NAPG: variants seen among roughly 807,000 people sequenced by gnomAD.
NAPG encodes NSF attachment protein gamma.
Under a neutral mutation model 48.4 loss-of-function variants are expected in NAPG, and 25 were observed. The observed-to-expected ratio is 0.52, with a 90% CI of 0.38 to 0.72. NAPG has a LOEUF of 0.72. Ranked by LOEUF, NAPG falls within the 30% of genes least tolerant of loss-of-function variation. The pLI, the probability that NAPG is intolerant of heterozygous loss-of-function variation, is 0.00. For synonymous variants in NAPG, 139 were observed against 127.2 expected, an observed-to-expected ratio of 1.09 and a Z score of -0.62; for missense variants, 359 against 372.5, an observed-to-expected ratio of 0.96 and a Z score of 0.30.
At position 10,548,294 on chromosome 18, in the gene NAPG, T is replaced by G; in HGVS notation, c.586-5T>G. 6.2e-7 allele frequency: 1 copy of G among 1,608,998 alleles called. No homozygotes were observed. The highest frequency in any genetic ancestry group is 8.5e-7 in the Non-Finnish European group (1 of 1,175,566). On this transcript the variant is annotated splice_region_variant and splice_polypyrimidine_tract_variant and intron_variant, in intron 9 of 11. Transcript: ENST00000322897. The surrounding 1 kb of genome is among the most constrained non-coding windows in gnomAD (Gnocchi z 4.4). Reference sequence around the variant, plus strand: ...ATTTGACCATGATCCTCTCTTTTGTTTTAGAAAACAATTGCTCAAGTCTTA... The same window carrying G: ...ATTTGACCATGATCCTCTCTTTTGTGTTAGAAAACAATTGCTCAAGTCTTA...
At position 10,539,975 on chromosome 18, in the gene NAPG, T is replaced by C. The variant is rs1324949901; in HGVS notation, c.369-13T>C. 3 of 1,605,334 alleles carry C rather than the reference T, an allele frequency of 1.9e-6. No homozygotes were observed. In the African/African-American group the frequency reaches 4.0e-5, roughly 22 times the overall value. On this transcript the variant is annotated splice_polypyrimidine_tract_variant and intron_variant, in intron 6 of 11. Transcript: ENST00000322897. This position sits in a 1 kb window ranked among gnomAD's most constrained non-coding sequence, Gnocchi z 4.7. ...CATTTCTCATATAAGACATGTTTTCTTGTCTGATTCAGGCTTATAGAAAAT... is the reference window on the plus strand; with the variant it reads ...CATTTCTCATATAAGACATGTTTTCCTGTCTGATTCAGGCTTATAGAAAAT...
At chr18:10,532,563 GA>G in intron 2 of NAPG, 147 bp from the exon 3 acceptor site, 1 of 533,192 alleles carries the variant, frequency 1.9e-6, no homozygotes, top group Non-Finnish European at 3.1e-6. Flanking sequence ...AATTGCTTTA[GA>G]AAAAAGTAAT....
chr18:10,547,429 C>T (rs758968056), intron 9 of NAPG, among the ~76,000 whole-genome samples: 1 of 152,112 alleles, frequency 6.6e-6, no homozygotes, highest in Non-Finnish European at 1.5e-5. Context: ...GATGGCAACC[C>T]GGCAGTGACC....
At chr18:10,537,304 T>C (rs1045834946) in intron 5 of NAPG, among the ~76,000 whole-genome samples, 4 of 152,178 alleles carry the variant, frequency 2.6e-5, no homozygotes, top group Non-Finnish European at 4.4e-5. Context: ...TTAGTACATA[T>C]GTTGTATGTT....
In NAPG at chr18:10,539,365, G is replaced by T. The variant is rs1282667285; in HGVS notation, c.259-397G>T. Reference sequence around the variant, plus strand: ...GAGATCATGTCCTTTGCAGGGACATGGATGAAGCTGGAAGCCATCATTCTT... The same window carrying T: ...GAGATCATGTCCTTTGCAGGGACATTGATGAAGCTGGAAGCCATCATTCTT... On this transcript the variant is annotated intron_variant, in intron 5 of 11. Transcript: ENST00000322897. This position sits in a 1 kb window ranked among gnomAD's most constrained non-coding sequence, Gnocchi z 4.7. 1 of 187,732 alleles carries T rather than the reference G, an allele frequency of 5.3e-6. No homozygotes were observed. Among genetic ancestry groups the T allele is most frequent in the East Asian group, 1.4e-4 (1 of 7,182 alleles). The allele number at this position is 187,732 out of a possible 1,614,324, so 11.6% of individuals were successfully genotyped here.
intron 3 of NAPG, 87 bp downstream of exon 3, chr18:10,532,882 C>G: frequency 9.3e-7 from 1 of 1,072,006 alleles, no homozygotes; most frequent in Non-Finnish European, 1.3e-6. Flanking sequence ...ACTTTACTAC[C>G]TGTGAAGTAA....
chr18:10,546,441 A>G lies in NAPG; in HGVS notation c.585+37A>G, dbSNP rs1403539858. 3.9e-6 allele frequency: 5 copies of G among 1,272,350 alleles called. No individual in the cohort carries two copies. The Admixed American group carries it at 9.2e-5, about 23-fold the overall frequency. 78.8% of individuals were successfully genotyped at this position (1,272,350 alleles called of 1,614,324 possible). On this transcript the variant is annotated intron_variant, in intron 9 of 11. Transcript: ENST00000322897. This position sits in a 1 kb window ranked among gnomAD's most constrained non-coding sequence, Gnocchi z 4.0. The stretch of plus-strand genomic sequence containing the variant: ...AAGTGTTTGTTTTTGGTATTACATT[A>G]GATGATTTTTTATACTGGTATGAAT...
chr18:10,545,317 AAAAT>A (rs1438120351), intron 8 of NAPG, among the ~76,000 whole-genome samples: 2 of 152,234 alleles, frequency 1.3e-5, no homozygotes, highest in Non-Finnish European at 2.9e-5. Flanking sequence ...GTCTCAAAAA[AAAAT>A]AAAAAGACAG....
In NAPG at chr18:10,534,165, A is replaced by G. The variant is rs954998088; in HGVS notation, c.228-301A>G. 2.6e-5 allele frequency among the ~76,000 whole-genome samples: 4 copies of G among 152,184 alleles called. No individual in the cohort carries two copies. The highest frequency in any genetic ancestry group is 1.3e-4 in the Admixed American group (2 of 15,276). Reference sequence around the variant, plus strand: ...CCATCCCAAAAACAAACAAACAAACAAAAAAACTTAGGTTTAGGTTTGTCA... The same window carrying G: ...CCATCCCAAAAACAAACAAACAAACGAAAAAACTTAGGTTTAGGTTTGTCA... On this transcript the variant is annotated intron_variant, in intron 4 of 11. Coordinates refer to ENST00000322897, the MANE Select transcript of NAPG (RefSeq NM_003826.3). This position sits in a 1 kb window ranked among gnomAD's most constrained non-coding sequence, Gnocchi z 5.0.
Position 10,543,584 on chromosome 18 carries a change from T to G in NAPG, c.507-2742T>G, listed in dbSNP as rs1352437547. Among the ~76,000 whole-genome samples, 2 of 152,154 alleles carry G rather than the reference T, an allele frequency of 1.3e-5. No homozygotes were observed. The highest frequency in any genetic ancestry group is 3.8e-4 in the East Asian group (2 of 5,202). ...GAAATAGTTGGGGCCAGAGGAACAG[T>G]TTGAGTTGTGGTGTAGAAGGTGTCT... On this transcript the variant is annotated intron_variant, in intron 8 of 11. Coordinates refer to ENST00000322897, the MANE Select transcript of NAPG (RefSeq NM_003826.3). The surrounding 1 kb of genome is among the most constrained non-coding windows in gnomAD (Gnocchi z 4.4).
At chr18:10,530,670 T>C (rs1223634086) in intron 1 of NAPG, 100 bp from the exon 2 acceptor site, 3 of 524,344 alleles carry the variant, frequency 5.7e-6, no homozygotes, top group Middle Eastern at 4.0e-4. Context: ...GTTTCTCCTT[T>C]TTTTTTTTTT....
Position 10,550,106 on chromosome 18 carries a change from TC to T in NAPG, c.827del (p.Pro276GlnfsTer53). 1 of 1,574,058 alleles carries T rather than the reference TC, an allele frequency of 6.4e-7. No homozygotes were observed. Among genetic ancestry groups the T allele is most frequent in the Non-Finnish European group, 8.6e-7 (1 of 1,164,090 alleles). On this transcript the variant is annotated frameshift_variant, in exon 12 of 12. Transcript: ENST00000322897. LOFTEE classifies it low-confidence loss of function (END_TRUNC). Reference sequence around the variant, plus strand: ...CTAAGCTGGGCCTGAGTTTGGTGGTTCCAGGAGGGGGAATCAAGAAGAAATC... The same window carrying T: ...CTAAGCTGGGCCTGAGTTTGGTGGTTCAGGAGGGGGAATCAAGAAGAAATC... ...YAKLGLSLVV[P>X]GGGIKKKSPA...
chr18:10,548,635 AAAAAAG>A lies in NAPG; in HGVS notation c.665+260_665+265del, dbSNP rs936079048. On this transcript the variant is annotated intron_variant, in intron 10 of 11. Coordinates refer to ENST00000322897, the MANE Select transcript of NAPG (RefSeq NM_003826.3). The surrounding 1 kb of genome is among the most constrained non-coding windows in gnomAD (Gnocchi z 4.4). Reference sequence around the variant, plus strand: ...TAGTCATTTTATTTGCCTTCTAAGAAAAAAAGAACAAGAAAAAGGGGGAAAAAATTA... The same window carrying A: ...TAGTCATTTTATTTGCCTTCTAAGAAAACAAGAAAAAGGGGGAAAAAATTA... Among the ~76,000 whole-genome samples the A allele has an allele frequency of 5.3e-5, 8 of 152,058 alleles. No individual in the cohort carries two copies. The highest frequency in any genetic ancestry group is 8.8e-5 in the Non-Finnish European group (6 of 68,008).
intron 1 of NAPG, chr18:10,526,428 T>G: frequency 8.3e-6 from 4 of 480,176 alleles, no homozygotes; most frequent in Non-Finnish European, 1.5e-5. Flanking sequence ...GGCGCAGTGC[T>G]GCGGGGCGAG....
chr18:10,533,911 G>A (rs565503457), intron 4 of NAPG, among the ~76,000 whole-genome samples: 11 of 152,236 alleles, frequency 7.2e-5, no homozygotes, highest in East Asian at 1.9e-4. Context: ...TTTGTTGGCC[G>A]AGGCAGGCGG....
At chr18:10,527,591 A>G (rs1454069184) in intron 1 of NAPG, among the ~76,000 whole-genome samples, 2 of 152,192 alleles carry the variant, frequency 1.3e-5, no homozygotes, top group Non-Finnish European at 2.9e-5. Context: ...CCAGAGGGAG[A>G]AGTTTATTCT....
chr18:10,532,279 A>G lies in NAPG; in HGVS notation c.125-432A>G, dbSNP rs187930008. Among the ~76,000 whole-genome samples the G allele has an allele frequency of 2.6e-3, 403 of 152,322 alleles. 1 individual carries two copies. The highest frequency in any genetic ancestry group is 8.8e-3 in the African/African-American group (365 of 41,580). On this transcript the variant is annotated intron_variant, in intron 2 of 11. Coordinates refer to ENST00000322897, the MANE Select transcript of NAPG (RefSeq NM_003826.3). ...CCAAAAGGAAGGTTTATTATAAAAA[A>G]CTGTTAAATGTGCTTATTGGCCCTC... is the stretch of plus-strand genomic sequence containing the variant.
chr18:10,534,782 T>C lies in NAPG; in HGVS notation c.258+286T>C, dbSNP rs951306981. ...AGATGTGTATTGCTATAAAAAGAGC[T>C]CTATGGGAAGTTTCTCTACTTTTGA... On this transcript the variant is annotated intron_variant, in intron 5 of 11. Transcript: ENST00000322897. This position sits in a 1 kb window ranked among gnomAD's most constrained non-coding sequence, Gnocchi z 5.0. Among the ~76,000 whole-genome samples, 3 of 152,206 alleles carry C rather than the reference T, an allele frequency of 2.0e-5. No individual in the cohort carries two copies. The highest frequency in any genetic ancestry group is 4.4e-5 in the Non-Finnish European group (3 of 68,036).
In NAPG at chr18:10,551,321, T is replaced by G. The variant is rs2032389412; in HGVS notation, c.*1101T>G. On this transcript the variant is annotated 3_prime_UTR_variant, in exon 12 of 12. Transcript: ENST00000322897. ...TATATTTCTTCCCTCCAAAACAGTT[T>G]ATTTTGATTGTTTATTTTATTTTGA... is the stretch of plus-strand genomic sequence containing the variant. 1 of 151,814 alleles carries G rather than the reference T, an allele frequency of 6.6e-6. No individual in the cohort carries two copies. The highest frequency in any genetic ancestry group is 1.5e-5 in the Non-Finnish European group (1 of 68,040). The allele number at this position is 151,814 out of a possible 1,614,324, so 9.4% of individuals were successfully genotyped here.
Sources: gnomAD v4.1 joint callset for allele counts (sites outside exome capture counted in the v4.1 genomes callset) on GRCh38, gnomAD v4.1.1 for gene constraint, Gnocchi (gnomAD v3.1) non-coding constraint, MANE v1.5 for transcripts, NCBI Gene and HGNC (gene_info 2026-07-23, HGNC 2026-07-21) for gene names.